Variants in CLCN5 observed in about 807,000 individuals in gnomAD.
CLCN5 encodes the protein H(+)/Cl(-) exchange transporter 5.
In CLCN5, 17 loss-of-function variants were observed where a neutral mutation model predicts 54.0. That is an observed-to-expected ratio of 0.31 (90% CI 0.22 to 0.47). CLCN5 has a LOEUF of 0.47. CLCN5 is among the 20% of genes least tolerant of loss of function. The pLI is 1.00. For missense variants in CLCN5, 448 were observed against 646.7 expected (o/e 0.69, Z 3.33); for synonymous variants, 222 against 233.0 (o/e 0.95, Z 0.43).
chrX:49,946,566 T>A lies in CLCN5; in HGVS notation c.16+21252T>A, dbSNP rs1437858824. ...AGGCCAGCGAGGGATAAAGTCTCAG[T>A]TTGTCTCTCACAATGGCAAGAAGGA... On this transcript the variant is annotated intron_variant, in intron 3 of 14. Coordinates refer to ENST00000376091, the MANE Select transcript of CLCN5 (RefSeq NM_001127898.4). 2.7e-5 allele frequency among the ~76,000 whole-genome samples: 3 copies of A among 111,726 alleles called. No homozygotes were observed. In the Admixed American group the frequency reaches 2.9e-4, roughly 11 times the overall value.
chrX:49,977,943 G>A lies in CLCN5; in HGVS notation c.16+52629G>A, dbSNP rs1928559646. 2.7e-5 allele frequency among the ~76,000 whole-genome samples: 3 copies of A among 111,967 alleles called. No individual in the cohort carries two copies. The South Asian group carries it at 1.1e-3, about 42-fold the overall frequency. ...CCTGGGAGAGAGACAGGGCGCAAAA[G>A]GGTCTTTTGTGGCCACAGGCAAACT... is the stretch of plus-strand genomic sequence containing the variant. On this transcript the variant is annotated intron_variant, in intron 3 of 14. Transcript: ENST00000376091.
intron 7 of CLCN5, among the ~76,000 whole-genome samples, chrX:50,079,171 C>T (rs553568004): frequency 9.0e-6 from 1 of 111,422 alleles, no homozygotes; most frequent in South Asian, 3.8e-4. Context: ...TCCTTTCACT[C>T]CCTTACCCTC....
intron 4 of CLCN5, among the ~76,000 whole-genome samples, chrX:50,061,986 C>G (rs1311853466): frequency 1.0e-4 from 9 of 89,287 alleles, no homozygotes; most frequent in Non-Finnish European, 1.9e-4. Context: ...CAGGCCTGCC[C>G]TAAAAGAGCT....
chrX:49,934,547 T>A (rs1444876446), intron 3 of CLCN5, among the ~76,000 whole-genome samples: 2 of 111,718 alleles, frequency 1.8e-5, no homozygotes, highest in East Asian at 2.8e-4. Flanking sequence ...CTTAGTAATG[T>A]CATATTTTGA....
chrX:49,951,232 C>T (rs1278676407), intron 3 of CLCN5, among the ~76,000 whole-genome samples: 1 of 112,010 alleles, frequency 8.9e-6, no homozygotes, highest in Non-Finnish European at 1.9e-5. Flanking sequence ...GACAGCACTG[C>T]TCTAGAGGTG....
chrX:50,080,231 G>A (rs1933632958), intron 7 of CLCN5, among the ~76,000 whole-genome samples: 1 of 111,106 alleles, frequency 9.0e-6, no homozygotes, highest in African/African-American at 3.3e-5. Flanking sequence ...AGCTGGGGGG[G>A]TGCTCTTAAG....
At chrX:50,083,262 A>G (rs1262759543) in intron 9 of CLCN5, among the ~76,000 whole-genome samples, 2 of 111,271 alleles carry the variant, frequency 1.8e-5, no homozygotes, top group African/African-American at 3.3e-5. Flanking sequence ...CAAATATAGA[A>G]TAAATTTTGT....
rs782777201 is a variant in CLCN5, at chrX:50,060,139, TCA to T, written c.164-9738_164-9737del. ...CTAAAAGTTTAATGGAATAAGACAG[TCA>T]CGGGGGGAGGAGCCAAGATGGCCGA... On this transcript the variant is annotated intron_variant, in intron 4 of 14. Transcript: ENST00000376091. Among the ~76,000 whole-genome samples the T allele has an allele frequency of 1.4e-4, 15 of 107,976 alleles. No individual in the cohort carries two copies. The East Asian group carries it at 4.4e-3, about 31-fold the overall frequency. The allele number at this position is 107,976 out of a possible 115,157, so 93.8% of individuals were successfully genotyped here. A position where few individuals can be genotyped will look rare whatever the true frequency, so the allele number is the denominator to read the frequency against.
At chrX:49,972,805 A>G (rs980958499) in intron 3 of CLCN5, among the ~76,000 whole-genome samples, 6 of 111,852 alleles carry the variant, frequency 5.4e-5, no homozygotes, top group Admixed American at 9.5e-5. Context: ...TGCTTCCAAC[A>G]TACAGAATTG....
At chrX:50,007,664 C>T (rs1930271876) in intron 3 of CLCN5, among the ~76,000 whole-genome samples, 1 of 110,945 alleles carries the variant, frequency 9.0e-6, no homozygotes, top group East Asian at 2.8e-4. Context: ...TCTCACCTGT[C>T]CCTTGCATGC....
chrX:49,977,416 T>G (rs782207676), intron 3 of CLCN5, among the ~76,000 whole-genome samples: 3 of 111,492 alleles, frequency 2.7e-5, no homozygotes, highest in Non-Finnish European at 3.8e-5. Context: ...TATATGCAAT[T>G]TATAAATGAG....
At chrX:50,047,108 A>G (rs1932420832) in intron 4 of CLCN5, among the ~76,000 whole-genome samples, 1 of 111,595 alleles carries the variant, frequency 9.0e-6, no homozygotes, top group South Asian at 3.8e-4. Flanking sequence ...AAACATTTCT[A>G]TTTGTTTTGC....
intron 3 of CLCN5, among the ~76,000 whole-genome samples, chrX:50,031,758 G>T (rs1008185982): frequency 5.5e-5 from 6 of 108,463 alleles, no homozygotes; most frequent in African/African-American, 2.0e-4. Context: ...TAGGGTACAT[G>T]TGCACAATGT....
At chrX:49,992,665 AT>A (rs782602686) in intron 3 of CLCN5, among the ~76,000 whole-genome samples, 1 of 111,202 alleles carries the variant, frequency 9.0e-6, no homozygotes, top group African/African-American at 3.3e-5. Flanking sequence ...TGTTTTCTTT[AT>A]TTTTTCCCCC....
At chrX:49,992,231 C>A (rs1183321101) in intron 3 of CLCN5, among the ~76,000 whole-genome samples, 1 of 102,786 alleles carries the variant, frequency 9.7e-6, no homozygotes, top group Non-Finnish European at 2.0e-5. Context: ...TTTTGCCTTC[C>A]AAATTTCAGC....
chrX:49,960,140 C>A (rs1300978930), intron 3 of CLCN5, among the ~76,000 whole-genome samples: 1 of 110,786 alleles, frequency 9.0e-6, no homozygotes. Context: ...GCATTTCTAA[C>A]CCCCACTTGA....
intron 4 of CLCN5, among the ~76,000 whole-genome samples, chrX:50,063,975 ACT>A (rs1557190367): frequency 9.3e-6 from 1 of 108,022 alleles, no homozygotes; most frequent in Admixed American, 9.9e-5. Flanking sequence ...CATGCTAAAA[ACT>A]CTCAATAAAT....
chrX:49,946,931 C>T (rs190039632), intron 3 of CLCN5, among the ~76,000 whole-genome samples: 47 of 110,493 alleles, frequency 4.3e-4, no homozygotes, highest in Admixed American at 2.4e-3. Context: ...TGGATTCAAG[C>T]GATTCTCCTG....
At chrX:50,076,976 C>G (rs1398300149) in intron 7 of CLCN5, among the ~76,000 whole-genome samples, 1 of 112,244 alleles carries the variant, frequency 8.9e-6, no homozygotes, top group African/African-American at 3.2e-5. Flanking sequence ...CAATTCCACC[C>G]TGACTTCCAC....
Sources: allele counts gnomAD v4.1 joint callset (sites outside exome capture counted in the v4.1 genomes callset), GRCh38; gene constraint gnomAD v4.1.1; transcripts MANE v1.5; gene names NCBI Gene and HGNC (gene_info 2026-07-23, HGNC 2026-07-21).